Variants in HSD17B4 observed in about 807,000 individuals in gnomAD.
HSD17B4 encodes the protein hydroxysteroid 17-beta dehydrogenase 4, also known as peroxisomal multifunctional enzyme type 2.
A neutral mutation model predicts 101.0 loss-of-function variants in HSD17B4; 70 were observed. That is an observed-to-expected ratio of 0.69 (90% CI 0.57 to 0.85). The LOEUF is 0.85. Among genes scored for constraint, HSD17B4 ranks in the 40% least tolerant of loss-of-function variants. The probability of loss-of-function intolerance (pLI) is 0.00; values close to 1 mark genes in which losing one functional copy is unlikely to be tolerated. For synonymous variants in HSD17B4, 347 were observed against 297.1 expected (o/e 1.17, Z -1.73); for missense variants, 984 against 892.4 (o/e 1.10, Z -1.31).
At chr5:119,519,525 A>T (rs1453435549) in intron 17 of HSD17B4, among the ~76,000 whole-genome samples, 3 of 152,226 alleles carry the variant, frequency 2.0e-5, no homozygotes, top group African/African-American at 4.8e-5. Flanking sequence ...TAGAGAAATC[A>T]TGGATGCTAG....
chr5:119,521,390 C>T (rs1178873484), intron 17 of HSD17B4, among the ~76,000 whole-genome samples: 1 of 152,040 alleles, frequency 6.6e-6, no homozygotes, highest in East Asian at 1.9e-4. Flanking sequence ...TCCTTATATA[C>T]CTGGTGGGCC....
intron 1 of HSD17B4, among the ~76,000 whole-genome samples, chr5:119,454,683 A>G (rs1229022228): frequency 6.6e-6 from 1 of 152,088 alleles, no homozygotes; most frequent in Non-Finnish European, 1.5e-5. Flanking sequence ...GTGCAGTGAC[A>G]TGATCTTGGC....
At chr5:119,515,977 A>C (rs368200574) in intron 17 of HSD17B4, among the ~76,000 whole-genome samples, 1 of 152,316 alleles carries the variant, frequency 6.6e-6, no homozygotes, top group East Asian at 1.9e-4. Context: ...ACAATTATCT[A>C]TGTAACAATC....
At chr5:119,467,860 A>G (rs1001747939) in intron 2 of HSD17B4, among the ~76,000 whole-genome samples, 1 of 152,036 alleles carries the variant, frequency 6.6e-6, no homozygotes, top group African/African-American at 2.4e-5. Flanking sequence ...TATTCTGCCT[A>G]TTTTTGGTTT....
At chr5:119,513,572 CG>C (rs1233530673) in intron 16 of HSD17B4, among the ~76,000 whole-genome samples, 2 of 152,060 alleles carry the variant, frequency 1.3e-5, no homozygotes, top group African/African-American at 4.8e-5. Flanking sequence ...TCAGTAGAGA[CG>C]GGGTTTCACC....
At chr5:119,492,340 G>A (rs186835064) in intron 10 of HSD17B4, 3 of 584,868 alleles carry the variant, frequency 5.1e-6, no homozygotes, top group Admixed American at 2.9e-5. Flanking sequence ...TATTCTTCCT[G>A]TAGGTAGTCC....
At chr5:119,482,604 G>A (rs749762287) in intron 8 of HSD17B4, among the ~76,000 whole-genome samples, 3 of 152,068 alleles carry the variant, frequency 2.0e-5, no homozygotes, top group Admixed American at 6.6e-5. Context: ...TGTTTATCTC[G>A]TTAGGAGTTA....
intron 17 of HSD17B4, among the ~76,000 whole-genome samples, chr5:119,520,135 A>C (rs1025253424): frequency 2.0e-5 from 3 of 151,174 alleles, no homozygotes; most frequent in Non-Finnish European, 4.4e-5. Flanking sequence ...ATTACCATAC[A>C]TTTTATAACT....
chr5:119,488,402 A>G (rs1030860121), intron 8 of HSD17B4, among the ~76,000 whole-genome samples: 5 of 152,154 alleles, frequency 3.3e-5, no homozygotes, highest in African/African-American at 1.2e-4. Context: ...TAGAAGGAAT[A>G]AATTCTAGTA....
chr5:119,462,554 T>C (rs1755367848), intron 2 of HSD17B4, among the ~76,000 whole-genome samples: 1 of 152,018 alleles, frequency 6.6e-6, no homozygotes, highest in African/African-American at 2.4e-5. Context: ...TACACACATA[T>C]CAGTATAAGT....
chr5:119,490,026 C>T (rs558291240), intron 9 of HSD17B4, among the ~76,000 whole-genome samples: 11 of 119,456 alleles, frequency 9.2e-5, no homozygotes, highest in African/African-American at 2.7e-4. Context: ...TATATTAGAC[C>T]CCCCCCCATT....
rs1750347396 is a variant in HSD17B4, at chr5:119,493,869, T to C, written c.791T>C (p.Met264Thr). The C allele has an allele frequency of 2.5e-6, 4 of 1,613,032 alleles. No individual in the cohort carries two copies. Among genetic ancestry groups the C allele is most frequent in the Non-Finnish European group, 3.4e-6 (4 of 1,179,272 alleles). The change falls in exon 11 of 24, where the codon ATG (methionine) becomes ACG (threonine). Residue 264 changes from methionine to threonine, a missense_variant. Transcript: ENST00000510025. ...ATTGTAAGACAAAAGAATCACCCAA[T>C]GACTCCTGAGGCAGTCAAGGCTAAC... ...GAIVRQKNHP[M>T]TPEAVKANWK...
At chr5:119,472,940 C>T (rs1390168810) in intron 2 of HSD17B4, among the ~76,000 whole-genome samples, 1 of 152,192 alleles carries the variant, frequency 6.6e-6, no homozygotes, top group Non-Finnish European at 1.5e-5. Flanking sequence ...TTCATATTAT[C>T]ACATATTGCA....
intron 6 of HSD17B4, chr5:119,476,709 C>G (rs1035954020): frequency 4.0e-5 from 39 of 985,294 alleles, no homozygotes; most frequent in Non-Finnish European, 4.3e-5. Context: ...TTTCTTGGTG[C>G]TGCAACGGGA....
At chr5:119,531,017 T>G (rs1375680222) in intron 21 of HSD17B4, among the ~76,000 whole-genome samples, 1 of 152,022 alleles carries the variant, frequency 6.6e-6, no homozygotes, top group African/African-American at 2.4e-5. Flanking sequence ...AAACATAGGT[T>G]GTCCAGTTCC....
At chr5:119,525,434 G>T in intron 18 of HSD17B4, 149 bp downstream of exon 18, 1 of 674,996 alleles carries the variant, frequency 1.5e-6, no homozygotes, top group Non-Finnish European at 2.7e-6. Flanking sequence ...AAAGGATATG[G>T]AAAGGTAGGA....
At chr5:119,517,130 C>T (rs764311548) in intron 17 of HSD17B4, among the ~76,000 whole-genome samples, 8 of 152,104 alleles carry the variant, frequency 5.3e-5, no homozygotes, top group Non-Finnish European at 1.2e-4. Flanking sequence ...GGAACCGGGG[C>T]TGCGCGCGGC....
At position 119,501,966 on chromosome 5, in the gene HSD17B4, C is replaced by T. The variant is rs34840516; in HGVS notation, c.1210-75C>T. The T allele has an allele frequency of 1.6e-4, 138 of 855,346 alleles. No homozygotes were observed. The East Asian group carries it at 3.0e-3, about 19-fold the overall frequency. 53.0% of individuals were successfully genotyped at this position (855,346 alleles called of 1,614,324 possible). A position where few individuals can be genotyped will look rare whatever the true frequency, so the allele number is the denominator to read the frequency against. On this transcript the variant is annotated intron_variant, in intron 13 of 23. Transcript: ENST00000510025. Reference sequence around the variant, plus strand: ...CCTGTGGATGGTAAAATGTCACTTGCGAGTAACAGTATCCATAGGCAGAAC... The same window carrying T: ...CCTGTGGATGGTAAAATGTCACTTGTGAGTAACAGTATCCATAGGCAGAAC...
chr5:119,463,335 TTGACATAC>T (rs1415933945), intron 2 of HSD17B4, among the ~76,000 whole-genome samples: 3 of 152,340 alleles, frequency 2.0e-5, no homozygotes, highest in Non-Finnish European at 4.4e-5. Context: ...AGATACCTCT[TTGACATAC>T]TGATTTCCTT....
Sources: allele counts gnomAD v4.1 joint callset (sites outside exome capture counted in the v4.1 genomes callset), GRCh38; gene constraint gnomAD v4.1.1; transcripts MANE v1.5; gene names NCBI Gene and HGNC (gene_info 2026-07-23, HGNC 2026-07-21).